Variants in RIMBP2 observed in about 807,000 individuals in gnomAD.
RIMBP2 encodes the protein RIMS-binding protein 2.
In RIMBP2, 48 loss-of-function variants were observed where a neutral mutation model predicts 118.6. That is an observed-to-expected ratio of 0.40 (90% CI 0.32 to 0.51). RIMBP2 has a LOEUF of 0.51. RIMBP2 is among the 20% of genes least tolerant of loss of function. The pLI is 0.41. For missense variants in RIMBP2, 1,551 were observed against 1,768.3 expected (o/e 0.88, Z 2.20); for synonymous variants, 762 against 742.9 (o/e 1.03, Z -0.42).
intron 3 of RIMBP2, among the ~76,000 whole-genome samples, chr12:130,508,421 T>C (rs1274488379): frequency 6.6e-6 from 1 of 151,930 alleles, no homozygotes; most frequent in Non-Finnish European, 1.5e-5. Flanking sequence ...CTGGCCTCCT[T>C]CTGTCCCTTA....
At chr12:130,401,365 C>T (rs559094716) in intron 21 of RIMBP2, among the ~76,000 whole-genome samples, 1 of 152,274 alleles carries the variant, frequency 6.6e-6, no homozygotes, top group South Asian at 2.1e-4. Context: ...ATCCACCCGC[C>T]TCAGCCTTCC....
rs534117374 is a variant in RIMBP2 at position 130,424,748 on chromosome 12, G to T, written c.2523C>A (p.Asp841Glu). The change falls in exon 16 of 23, where the codon GAC (aspartate) becomes GAA (glutamate). Residue 841 changes from aspartate to glutamate, a missense_variant. Physicochemically the swap from Asp to Glu is conservative, Grantham distance 45. Around this residue, in one of 5 missense-constraint regions of RIMBP2, gnomAD observed 1,038 missense variants for 1,125.1 expected, o/e 0.92. Coordinates refer to ENST00000690449, the MANE Select transcript of RIMBP2 (RefSeq NM_001393629.1). This position sits in a 1 kb window ranked among gnomAD's most constrained non-coding sequence, Gnocchi z 9.8. ...LFSIPEVAEEDGECCGLLHKQ... is the reference protein window; with the variant it reads ...LFSIPEVAEEEGECCGLLHKQ... ...TGTGTAGCAGCCCACAGCACTCTCC[G>T]TCCTCTTCCGCTACTTCGGGGATAC... is the stretch of plus-strand genomic sequence containing the variant. 8.1e-7 allele frequency: 1 copy of T among 1,232,288 alleles called. No homozygotes were observed. Among genetic ancestry groups the T allele is most frequent in the Admixed American group, 4.2e-5 (1 of 23,708 alleles). 76.3% of individuals were successfully genotyped at this position (1,232,288 alleles called of 1,614,324 possible).
intron 2 of RIMBP2, among the ~76,000 whole-genome samples, chr12:130,627,237 C>T (rs2061700233): frequency 6.6e-6 from 1 of 152,232 alleles, no homozygotes; most frequent in Non-Finnish European, 1.5e-5. Context: ...AGCAGGGGCA[C>T]CAAAGGTCCA....
At chr12:130,527,400 C>T (rs1369707930) in intron 2 of RIMBP2, among the ~76,000 whole-genome samples, 1 of 152,212 alleles carries the variant, frequency 6.6e-6, no homozygotes, top group African/African-American at 2.4e-5. Context: ...TTGCTTCAAC[C>T]ATGACTGATA....
chr12:130,642,532 G>T (rs755640891), intron 1 of RIMBP2, among the ~76,000 whole-genome samples: 2 of 152,126 alleles, frequency 1.3e-5, no homozygotes, highest in Admixed American at 6.5e-5. Flanking sequence ...TGATCTGCCC[G>T]CTTTGGCCTC....
At chr12:130,417,186 A>G (rs1454036004) in intron 17 of RIMBP2, among the ~76,000 whole-genome samples, 1 of 152,146 alleles carries the variant, frequency 6.6e-6, no homozygotes, top group Non-Finnish European at 1.5e-5. Flanking sequence ...CAGTTTGGAG[A>G]TTTCTTGGAG....
intron 1 of RIMBP2, among the ~76,000 whole-genome samples, chr12:130,635,068 G>A (rs1401603177): frequency 1.3e-5 from 2 of 152,228 alleles, no homozygotes; most frequent in African/African-American, 4.8e-5. Flanking sequence ...CAGGGGACCA[G>A]GCAGGATGGA....
chr12:130,541,987 G>A (rs985003525), intron 2 of RIMBP2, among the ~76,000 whole-genome samples: 2 of 152,220 alleles, frequency 1.3e-5, no homozygotes, highest in African/African-American at 4.8e-5. Context: ...CATACTCAGG[G>A]GCTCTAAGTG....
intron 1 of RIMBP2, among the ~76,000 whole-genome samples, chr12:130,630,826 A>G (rs987082187): frequency 6.6e-6 from 1 of 152,200 alleles, no homozygotes; most frequent in Admixed American, 6.5e-5. Context: ...TACCCAAAAC[A>G]AGCTGTCAGT....
intron 2 of RIMBP2, among the ~76,000 whole-genome samples, chr12:130,626,209 G>A (rs986642096): frequency 6.6e-6 from 1 of 152,150 alleles, no homozygotes; most frequent in Non-Finnish European, 1.5e-5. Context: ...GACCTTTTCT[G>A]CCTTCTTCTA....
chr12:130,452,089 C>T (rs1481286755), intron 7 of RIMBP2, among the ~76,000 whole-genome samples: 2 of 152,150 alleles, frequency 1.3e-5, no homozygotes, highest in Admixed American at 6.5e-5. Flanking sequence ...CAGACGACAG[C>T]GCAGCACTTT....
chr12:130,648,985 G>A (rs570197367), intron 1 of RIMBP2, among the ~76,000 whole-genome samples: 1 of 145,570 alleles, frequency 6.9e-6, no homozygotes, highest in South Asian at 2.1e-4. Context: ...CAGCACCACG[G>A]GTTAAATACT....
At chr12:130,410,915 T>C (rs2075660890) in intron 19 of RIMBP2, among the ~76,000 whole-genome samples, 1 of 152,222 alleles carries the variant, frequency 6.6e-6, no homozygotes, top group Non-Finnish European at 1.5e-5. Context: ...AGATTTCGAA[T>C]GGTCTTGCAC....
Position 130,546,680 on chromosome 12 carries a change from C to T in RIMBP2, c.-216-28763G>A, listed in dbSNP as rs117320485. ...GAGACAACCTTCTTTTCATGCAAAA[C>T]GAAATCTCCCATGTCTAGAAGAAGG... On this transcript the variant is annotated intron_variant, in intron 2 of 22. Coordinates refer to ENST00000690449, the MANE Select transcript of RIMBP2 (RefSeq NM_001393629.1). Among the ~76,000 whole-genome samples, 574 of 152,224 alleles carry T rather than the reference C, an allele frequency of 3.8e-3. 7 individuals are homozygous for T. Among genetic ancestry groups the T allele is most frequent in the Admixed American group, 6.0e-3 (92 of 15,292 alleles).
chr12:130,437,997 G>A (rs1255505712), intron 12 of RIMBP2, among the ~76,000 whole-genome samples: 1 of 152,208 alleles, frequency 6.6e-6, no homozygotes, highest in East Asian at 1.9e-4. Flanking sequence ...TGCAGACCCA[G>A]CAGTATCTTA....
At position 130,523,488 on chromosome 12, in the gene RIMBP2, G is replaced by A. The variant is rs759095537; in HGVS notation, c.-216-5571C>T. Among the ~76,000 whole-genome samples the A allele has an allele frequency of 5.3e-5, 8 of 152,276 alleles. No homozygotes were observed. The highest frequency in any genetic ancestry group is 3.4e-3 in the Middle Eastern group (1 of 294). ...GACAGGAGCCTTCACAGTGTCTCCC[G>A]AGGCAGCTCAAGGGCTCGTCAAGGA... On this transcript the variant is annotated intron_variant, in intron 2 of 22. Transcript: ENST00000690449. The surrounding 1 kb of genome is among the most constrained non-coding windows in gnomAD (Gnocchi z 4.4).
chr12:130,520,342 G>A (rs2051946982), intron 2 of RIMBP2, among the ~76,000 whole-genome samples: 2 of 151,966 alleles, frequency 1.3e-5, no homozygotes, highest in South Asian at 2.1e-4. Context: ...TTCCCAAATT[G>A]GTCCAAGCGT....
In RIMBP2 at chr12:130,436,986, G is replaced by A. The variant is rs752308906; in HGVS notation, c.1962C>T (p.His654=). 4.7e-5 allele frequency: 75 copies of A among 1,609,428 alleles called. No individual in the cohort carries two copies. In the South Asian group the frequency reaches 5.8e-4, roughly 12 times the overall value. ...QSRAPGPVHG[H]MLEPPVGPGR... Reference sequence around the variant, plus strand: ...CGGGGCCCACGGGCGGCTCCAGCATGTGCCCATGCACAGGGCCAGGTGCAC... The same window carrying A: ...CGGGGCCCACGGGCGGCTCCAGCATATGCCCATGCACAGGGCCAGGTGCAC... The change falls in exon 13 of 23, where the codon CAC becomes CAT. Residue 654 remains histidine, a synonymous_variant. Coordinates refer to ENST00000690449, the MANE Select transcript of RIMBP2 (RefSeq NM_001393629.1).
chr12:130,481,967 G>A, intron 4 of RIMBP2, among the ~76,000 whole-genome samples: 1 of 134,796 alleles, frequency 7.4e-6, no homozygotes, highest in African/African-American at 2.7e-5. Flanking sequence ...CCCACCACCA[G>A]TTCACTGTGA....
Sources: gnomAD v4.1 joint callset for allele counts (sites outside exome capture counted in the v4.1 genomes callset) on GRCh38, gnomAD v4.1.1 for gene constraint, gnomAD v4.1.1 regional missense constraint, Gnocchi (gnomAD v3.1) non-coding constraint, MANE v1.5 for transcripts, NCBI Gene and HGNC (gene_info 2026-07-23, HGNC 2026-07-21) for gene names.